Variants in CCDC171 observed in about 807,000 individuals in gnomAD.
CCDC171 encodes coiled-coil domain containing 171, also known as coiled-coil domain-containing protein 171.
CCDC171 carries 177 observed loss-of-function variants against 168.2 expected under a neutral mutation model. The observed-to-expected ratio is 1.05, with a 90% CI of 0.93 to 1.19. The LOEUF (loss-of-function observed/expected upper bound fraction) is 1.19. Ranked by LOEUF, CCDC171 falls within the 50% of genes most tolerant of loss-of-function variation. The pLI is 0.00. For missense variants in CCDC171, 1,991 were observed against 1,539.0 expected, an observed-to-expected ratio of 1.29 and a Z score of -4.91; for synonymous variants, 687 against 540.8, an observed-to-expected ratio of 1.27 and a Z score of -3.75.
In CCDC171 at chr9:15,779,161, A is replaced by T. The variant is rs1208823643; in HGVS notation, c.3081+11A>T. On this transcript the variant is annotated intron_variant, in intron 20 of 25. Coordinates refer to ENST00000380701, the MANE Select transcript of CCDC171 (RefSeq NM_173550.4). ...GAATTTAAGCAGTCTGTAAGTATAT[A>T]TCATTTAGGAAACTGTTGCTTTGCT... is the stretch of plus-strand genomic sequence containing the variant. 2.7e-6 allele frequency: 4 copies of T among 1,457,514 alleles called. No individual in the cohort carries two copies. Among genetic ancestry groups the T allele is most frequent in the Admixed American group, 2.5e-5 (1 of 40,558 alleles). 90.3% of individuals were successfully genotyped at this position (1,457,514 alleles called of 1,614,324 possible). A position where few individuals can be genotyped will look rare whatever the true frequency, so the allele number is the denominator to read the frequency against.
chr9:15,846,273 C>T (rs1328291140), intron 21 of CCDC171, among the ~76,000 whole-genome samples: 1 of 152,046 alleles, frequency 6.6e-6, no homozygotes, highest in Non-Finnish European at 1.5e-5. Context: ...CCTGGTCTAT[C>T]ATTTTCTCAA....
At chr9:15,873,715 G>A (rs1389518752) in intron 23 of CCDC171, among the ~76,000 whole-genome samples, 1 of 152,024 alleles carries the variant, frequency 6.6e-6, no homozygotes, top group East Asian at 1.9e-4. Flanking sequence ...ATCTGTTTTT[G>A]AATGTTTCCA....
chr9:15,721,901 C>T (rs761386071), intron 12 of CCDC171, 26 bp downstream of exon 12: 1 of 1,271,272 alleles, frequency 7.9e-7, no homozygotes, highest in Non-Finnish European at 1.1e-6. Flanking sequence ...TTTGGCTCCA[C>T]ACATATAGCC....
At chr9:16,084,315 G>A in the CCDC171 span, among the ~76,000 whole-genome samples, 1 of 152,114 alleles carries the variant, frequency 6.6e-6, no homozygotes, top group South Asian at 2.1e-4. Context: ...TGCCTTCCCT[G>A]TACCTTAGAT....
the CCDC171 span, among the ~76,000 whole-genome samples, chr9:16,090,449 G>C: frequency 3.3e-5 from 5 of 152,164 alleles, no homozygotes; most frequent in Non-Finnish European, 7.3e-5. Context: ...ACAGCATTAG[G>C]AGAAATACCT....
intron 23 of CCDC171, among the ~76,000 whole-genome samples, chr9:15,869,682 G>A (rs1207055166): frequency 6.6e-6 from 1 of 151,720 alleles, no homozygotes; most frequent in Non-Finnish European, 1.5e-5. Context: ...GTGGTCAGTA[G>A]TTGTGACCAG....
intron 11 of CCDC171, among the ~76,000 whole-genome samples, chr9:15,700,402 C>G (rs879329351): frequency 4.6e-5 from 7 of 152,214 alleles, no homozygotes; most frequent in Non-Finnish European, 1.0e-4. Context: ...CGCGCAGCCC[C>G]GGTTCCCACT....
intron 23 of CCDC171, among the ~76,000 whole-genome samples, chr9:15,872,624 A>G (rs1181942614): frequency 6.6e-6 from 1 of 152,040 alleles, no homozygotes; most frequent in African/African-American, 2.4e-5. Flanking sequence ...TTTCAAAGCT[A>G]ATAGTATCTC....
chr9:16,079,354 C>A, the CCDC171 span, among the ~76,000 whole-genome samples: 1 of 152,176 alleles, frequency 6.6e-6, no homozygotes, highest in African/African-American at 2.4e-5. Context: ...TCTTCACAGA[C>A]AAAATCAAGT....
intron 7 of CCDC171, among the ~76,000 whole-genome samples, chr9:15,628,659 C>G (rs2045388775): frequency 6.6e-6 from 1 of 152,204 alleles, no homozygotes; most frequent in Non-Finnish European, 1.5e-5. Flanking sequence ...CCCTGTCTGA[C>G]AGCTTTGAAG....
At chr9:15,930,062 G>A (rs1826329428) in intron 25 of CCDC171, among the ~76,000 whole-genome samples, 1 of 151,686 alleles carries the variant, frequency 6.6e-6, no homozygotes, top group Non-Finnish European at 1.5e-5. Context: ...CATATTGTGA[G>A]ACTTTGAGGT....
chr9:15,880,526 G>GGCT (rs1818487626), intron 24 of CCDC171, among the ~76,000 whole-genome samples: 1 of 148,654 alleles, frequency 6.7e-6, no homozygotes, highest in Admixed American at 6.7e-5. Context: ...ACGTGATCTC[G>GGCT]GCTCATTCCA....
intron 21 of CCDC171, among the ~76,000 whole-genome samples, chr9:15,827,967 G>A (rs576333426): frequency 6.6e-6 from 1 of 152,140 alleles, no homozygotes; most frequent in Non-Finnish European, 1.5e-5. Flanking sequence ...CTGAGGTGAG[G>A]ACCTTTCTTT....
chr9:15,879,651 GT>G (rs1408358497), intron 24 of CCDC171, among the ~76,000 whole-genome samples: 5 of 152,004 alleles, frequency 3.3e-5, no homozygotes, highest in African/African-American at 1.2e-4. Flanking sequence ...ACAGATTTAT[GT>G]AATTATTTTT....
intron 2 of CCDC171, among the ~76,000 whole-genome samples, chr9:15,565,182 G>A (rs1205597725): frequency 6.7e-6 from 1 of 148,628 alleles, no homozygotes. Context: ...TCCGCCTCCC[G>A]AGTTCAAGTG....
At chr9:15,566,550 C>G (rs1182573459) in intron 2 of CCDC171, among the ~76,000 whole-genome samples, 1 of 152,146 alleles carries the variant, frequency 6.6e-6, no homozygotes, top group Non-Finnish European at 1.5e-5. Flanking sequence ...CAGAGCGAGA[C>G]TTTGTCTCAA....
intron 24 of CCDC171, among the ~76,000 whole-genome samples, chr9:15,890,829 G>A (rs892686869): frequency 2.6e-5 from 4 of 152,028 alleles, no homozygotes; most frequent in African/African-American, 9.7e-5. Flanking sequence ...AATGAATTTT[G>A]TTATAGAATA....
intron 9 of CCDC171, among the ~76,000 whole-genome samples, chr9:15,671,397 G>A (rs142176672): frequency 0.021 from 3,234 of 151,392 alleles, 120 homozygotes; most frequent in African/African-American, 0.074. Flanking sequence ...TGTATACAAC[G>A]TGCAGGTTTG....
intron 24 of CCDC171, among the ~76,000 whole-genome samples, chr9:15,905,857 A>C (rs576370646): frequency 3.4e-4 from 52 of 152,322 alleles, no homozygotes; most frequent in Admixed American, 9.2e-4. Flanking sequence ...ACCAATCCCA[A>C]AGAAATACAA....
Sources: allele counts gnomAD v4.1 joint callset (sites outside exome capture counted in the v4.1 genomes callset), GRCh38; gene constraint gnomAD v4.1.1; transcripts MANE v1.5; gene names NCBI Gene and HGNC (gene_info 2026-07-23, HGNC 2026-07-21).